Variants in CMSS1 observed in about 807,000 individuals in gnomAD.
CMSS1 encodes the protein cms1 ribosomal small subunit homolog.
CMSS1 carries 33 observed loss-of-function variants against 43.5 expected under a neutral mutation model. The ratio of observed to expected loss-of-function variants is 0.76; its 90% CI spans 0.57 to 1.01. CMSS1 has a LOEUF of 1.01. Among genes scored for constraint, CMSS1 ranks in the 50% least tolerant of loss-of-function variants. The pLI is 0.00. For synonymous variants in CMSS1, 115 were observed against 117.2 expected (o/e 0.98, Z 0.12); for missense variants, 313 against 326.4 (o/e 0.96, Z 0.32).
At chr3:100,057,322 T>C (rs143927839) in intron 1 of CMSS1, among the ~76,000 whole-genome samples, 1 of 152,326 alleles carries the variant, frequency 6.6e-6, no homozygotes, top group Non-Finnish European at 1.5e-5. Context: ...GATGACATGA[T>C]CTCTAGGCCA....
At chr3:100,125,219 G>T (rs748529224) in intron 1 of CMSS1, among the ~76,000 whole-genome samples, 1 of 152,120 alleles carries the variant, frequency 6.6e-6, no homozygotes, top group Non-Finnish European at 1.5e-5. Context: ...TGTTACTCTA[G>T]TGCTTCTCAT....
chr3:99,875,270 G>C (rs996268276), intron 1 of CMSS1, among the ~76,000 whole-genome samples: 3 of 152,106 alleles, frequency 2.0e-5, no homozygotes, highest in Non-Finnish European at 4.4e-5. Context: ...GGTAGCAATA[G>C]CCTCTTCAGG....
At chr3:99,972,431 C>T (rs1373186020) in intron 1 of CMSS1, among the ~76,000 whole-genome samples, 2 of 152,200 alleles carry the variant, frequency 1.3e-5, no homozygotes, top group African/African-American at 4.8e-5. Context: ...GCATCGGAAA[C>T]GTCCCCGTCC....
intron 1 of CMSS1, among the ~76,000 whole-genome samples, chr3:100,024,940 C>A (rs545002912): frequency 6.6e-6 from 1 of 152,292 alleles, no homozygotes; most frequent in Admixed American, 6.5e-5. Flanking sequence ...ATGTGCTTGT[C>A]TGACTGCTGC....
intron 1 of CMSS1, among the ~76,000 whole-genome samples, chr3:100,027,263 G>T (rs2064941652): frequency 6.6e-6 from 1 of 152,064 alleles, no homozygotes; most frequent in Non-Finnish European, 1.5e-5. Flanking sequence ...CGTGGATAGG[G>T]ACTTTATATG....
chr3:100,023,305 T>C lies in CMSS1; in HGVS notation c.65-123668T>C, dbSNP rs561369601. On this transcript the variant is annotated intron_variant, in intron 1 of 9. Coordinates refer to ENST00000421999, the MANE Select transcript of CMSS1 (RefSeq NM_032359.4). ...TCAAAATGCTATGACAACTGACTGG[T>C]TTTATGCAAACAGAGCCTGGCTCTC... 2.1e-4 allele frequency: 32 copies of C among 152,702 alleles called. No homozygotes were observed. The East Asian group carries it at 6.2e-3, about 29-fold the overall frequency. The allele number at this position is 152,702 out of a possible 1,614,324, so 9.5% of individuals were successfully genotyped here.
chr3:100,015,002 C>T (rs1385170198), intron 1 of CMSS1, among the ~76,000 whole-genome samples: 1 of 124,466 alleles, frequency 8.0e-6, no homozygotes, highest in Non-Finnish European at 1.6e-5. Flanking sequence ...CATGTTTTTT[C>T]ATCTAGTAGT....
At chr3:100,071,968 T>C (rs1426132578) in intron 1 of CMSS1, among the ~76,000 whole-genome samples, 1 of 152,132 alleles carries the variant, frequency 6.6e-6, no homozygotes, top group African/African-American at 2.4e-5. Flanking sequence ...GAAACTGAAA[T>C]ATAGGGAACT....
Position 100,157,499 on chromosome 3 carries a change from T to C in CMSS1, c.154-2931T>C, listed in dbSNP as rs189385030. ...GTGATGAGTTGGGTTTGTCAATTAG[T>C]GTATTCATGGTAGGGTGATAGGATA... On this transcript the variant is annotated intron_variant, in intron 2 of 9. Transcript: ENST00000421999. Among the ~76,000 whole-genome samples the C allele has an allele frequency of 2.7e-3, 416 of 152,302 alleles. 1 individual carries two copies. Among genetic ancestry groups the C allele is most frequent in the African/African-American group, 9.3e-3 (386 of 41,554 alleles).
At chr3:100,136,306 G>T (rs1173515456) in intron 1 of CMSS1, among the ~76,000 whole-genome samples, 2 of 152,150 alleles carry the variant, frequency 1.3e-5, no homozygotes, top group African/African-American at 4.8e-5. Flanking sequence ...AATAAAACTG[G>T]ACTGGCGCCA....
At chr3:99,954,614 T>C (rs1708266916) in intron 1 of CMSS1, among the ~76,000 whole-genome samples, 1 of 151,996 alleles carries the variant, frequency 6.6e-6, no homozygotes, top group African/African-American at 2.4e-5. Context: ...TTACTTAAGG[T>C]CAGGAGTTCG....
intron 2 of CMSS1, among the ~76,000 whole-genome samples, chr3:100,147,709 G>T (rs956874187): frequency 6.6e-6 from 1 of 152,162 alleles, no homozygotes; most frequent in Non-Finnish European, 1.5e-5. Context: ...GATAGAGAAG[G>T]TTATCACACA....
chr3:100,000,906 G>A (rs766403261), intron 1 of CMSS1, among the ~76,000 whole-genome samples: 2 of 152,218 alleles, frequency 1.3e-5, no homozygotes, highest in African/African-American at 2.4e-5. Flanking sequence ...GTCAAAGCCT[G>A]TAGTTGACCT....
chr3:100,150,291 G>T (rs993772048), intron 2 of CMSS1, among the ~76,000 whole-genome samples: 1 of 152,168 alleles, frequency 6.6e-6, no homozygotes, highest in African/African-American at 2.4e-5. Context: ...TTATTTGGCA[G>T]ATATGACCAG....
chr3:99,977,831 G>A (rs1320084468), intron 1 of CMSS1, among the ~76,000 whole-genome samples: 1 of 152,058 alleles, frequency 6.6e-6, no homozygotes, highest in Non-Finnish European at 1.5e-5. Flanking sequence ...TCATTTACAA[G>A]TATGGATCCA....
intron 1 of CMSS1, among the ~76,000 whole-genome samples, chr3:100,115,259 A>T (rs1392676147): frequency 6.6e-6 from 1 of 152,110 alleles, no homozygotes; most frequent in Non-Finnish European, 1.5e-5. Context: ...ATCTAATTTA[A>T]TCCTCACAGC....
intron 1 of CMSS1, among the ~76,000 whole-genome samples, chr3:99,948,541 G>A (rs964683598): frequency 4.8e-5 from 7 of 146,212 alleles, no homozygotes; most frequent in African/African-American, 1.5e-4. Flanking sequence ...GAGGGGAAGG[G>A]AGGGGGAGGG....
intron 1 of CMSS1, among the ~76,000 whole-genome samples, chr3:100,099,918 T>C (rs2066275800): frequency 6.6e-6 from 1 of 152,136 alleles, no homozygotes; most frequent in Admixed American, 6.6e-5. Flanking sequence ...AGTTGAAGAA[T>C]TCTGAAGCCA....
rs780345410 is a variant in CMSS1, at chr3:100,176,387, AGTT to A, written c.730_732del (p.Leu244del). ...TTTGACTGGAACTGGAGAGATCAGAAGTTGAGGAGAATGATGGACATTCCCGAG... is the reference window on the plus strand; with the variant it reads ...TTTGACTGGAACTGGAGAGATCAGAAGAGGAGAATGATGGACATTCCCGAG... On this transcript the variant is annotated inframe_deletion, in exon 9 of 10. Transcript: ENST00000421999. 2.0e-5 allele frequency: 32 copies of A among 1,613,526 alleles called. No individual in the cohort carries two copies. Among genetic ancestry groups the A allele is most frequent in the Non-Finnish European group, 2.3e-5 (27 of 1,179,500 alleles).
Sources: gnomAD v4.1 joint callset for allele counts (sites outside exome capture counted in the v4.1 genomes callset) on GRCh38, gnomAD v4.1.1 for gene constraint, MANE v1.5 for transcripts, NCBI Gene and HGNC (gene_info 2026-07-23, HGNC 2026-07-21) for gene names.